Variants in TTC28 observed in about 807,000 individuals in gnomAD.
TTC28 encodes tetratricopeptide repeat domain 28.
A neutral mutation model predicts 198.0 loss-of-function variants in TTC28; 61 were observed. That is an observed-to-expected ratio of 0.31 (90% CI 0.25 to 0.38). The LOEUF (loss-of-function observed/expected upper bound fraction) is 0.38. TTC28 is among the 10% of genes least tolerant of loss of function. The pLI is 1.00. For missense variants in TTC28, 2,678 were observed against 3,164.0 expected (o/e 0.85, Z 3.69); for synonymous variants, 1,171 against 1,297.8 (o/e 0.90, Z 2.10).
intron 2 of TTC28, among the ~76,000 whole-genome samples, chr22:28,604,283 GA>G (rs754524103): frequency 0.033 from 2,557 of 76,540 alleles, 105 homozygotes; most frequent in African/African-American, 0.071. Flanking sequence ...GTCTTAAACA[GA>G]AAAAAAAAAA....
At position 28,600,390 on chromosome 22, in the gene TTC28, G is replaced by C. The variant is rs754520967; in HGVS notation, c.381+29162C>G. On this transcript the variant is annotated intron_variant, in intron 2 of 22. Coordinates refer to ENST00000397906, the MANE Select transcript of TTC28 (RefSeq NM_001145418.2). Reference sequence around the variant, plus strand: ...ACTGCACTCTAGCCCGGGCAACAAAGCAAGACCTTGCTTCAAAAAATAAAA... The same window carrying C: ...ACTGCACTCTAGCCCGGGCAACAAACCAAGACCTTGCTTCAAAAAATAAAA... Among the ~76,000 whole-genome samples, 25 of 152,250 alleles carry C rather than the reference G, an allele frequency of 1.6e-4. 1 individual carries two copies. The Middle Eastern group carries it at 0.01, about 62-fold the overall frequency.
intron 12 of TTC28, among the ~76,000 whole-genome samples, chr22:28,078,205 T>C (rs2146797568): frequency 6.6e-6 from 1 of 152,248 alleles, no homozygotes; most frequent in East Asian, 1.9e-4. Flanking sequence ...CAAGATGCCA[T>C]TAAGGAGAGC....
intron 6 of TTC28, among the ~76,000 whole-genome samples, chr22:28,145,037 C>A (rs9613569): frequency 0.062 from 9,403 of 152,240 alleles, 421 homozygotes; most frequent in Admixed American, 0.13. Context: ...ACTTTGAAGC[C>A]ACACTTTCCA....
At chr22:28,496,463 C>A (rs566199876) in intron 2 of TTC28, among the ~76,000 whole-genome samples, 1 of 152,082 alleles carries the variant, frequency 6.6e-6, no homozygotes, top group Non-Finnish European at 1.5e-5. Context: ...GGAGTCGCCA[C>A]TGACCCTTCT....
rs145700993 is a variant in TTC28 at position 27,985,415 on chromosome 22, A to T, written c.5708-59T>A. 496 of 1,386,836 alleles carry T rather than the reference A, an allele frequency of 3.6e-4. 4 individuals carry two copies. In the East Asian group the frequency reaches 7.5e-3, roughly 21 times the overall value. The allele number at this position is 1,386,836 out of a possible 1,614,324, so 85.9% of individuals were successfully genotyped here. The stretch of plus-strand genomic sequence containing the variant: ...TTCGGGAAGATTCCAGATCTTGAAC[A>T]TGAGCGCTATAGGGCTCCTTGTGCA... On this transcript the variant is annotated intron_variant, in intron 21 of 22. Coordinates refer to ENST00000397906, the MANE Select transcript of TTC28 (RefSeq NM_001145418.2).
chr22:28,374,204 T>C (rs1445921514), intron 2 of TTC28, among the ~76,000 whole-genome samples: 1 of 152,164 alleles, frequency 6.6e-6, no homozygotes, highest in Non-Finnish European at 1.5e-5. Flanking sequence ...GTCTCAAGAG[T>C]AAATTTGCAC....
At chr22:28,190,370 C>G (rs772342190) in intron 5 of TTC28, among the ~76,000 whole-genome samples, 72 of 152,192 alleles carry the variant, frequency 4.7e-4, no homozygotes, top group African/African-American at 1.6e-3. Flanking sequence ...AGATGCAGTG[C>G]TAGGATTTGA....
chr22:28,247,911 A>G (rs1405517031), intron 5 of TTC28, among the ~76,000 whole-genome samples: 3 of 152,202 alleles, frequency 2.0e-5, no homozygotes, highest in African/African-American at 7.2e-5. Context: ...TAAGTAAGGT[A>G]GGCACATGGT....
intron 2 of TTC28, among the ~76,000 whole-genome samples, chr22:28,555,739 G>A (rs2049775813): frequency 1.3e-5 from 2 of 152,102 alleles, no homozygotes; most frequent in Admixed American, 6.5e-5. Context: ...CTTTGGGCAT[G>A]CTGCTCGGGC....
At chr22:28,480,523 A>C (rs569946951) in intron 2 of TTC28, among the ~76,000 whole-genome samples, 1 of 152,338 alleles carries the variant, frequency 6.6e-6, no homozygotes, top group South Asian at 2.1e-4. Flanking sequence ...TGTCAAAAGC[A>C]GTCTGGCACA....
At chr22:28,650,263 C>G (rs2146260159) in intron 1 of TTC28, among the ~76,000 whole-genome samples, 1 of 152,146 alleles carries the variant, frequency 6.6e-6, no homozygotes, top group Admixed American at 6.6e-5. Flanking sequence ...AAATTGATCA[C>G]CCTTCCATTT....
At chr22:28,115,289 T>C (rs1942600389) in intron 6 of TTC28, among the ~76,000 whole-genome samples, 1 of 152,124 alleles carries the variant, frequency 6.6e-6, no homozygotes, top group South Asian at 2.1e-4. Context: ...GCCTCCCAAG[T>C]AGCTGGGACT....
chr22:28,273,430 G>C (rs1465607434), intron 5 of TTC28, among the ~76,000 whole-genome samples: 5 of 151,774 alleles, frequency 3.3e-5, no homozygotes, highest in Non-Finnish European at 1.5e-5. Flanking sequence ...TTAAAAAAAA[G>C]AAATTGAAAT....
At chr22:28,358,827 A>AC (rs2046116168) in intron 2 of TTC28, among the ~76,000 whole-genome samples, 1 of 152,046 alleles carries the variant, frequency 6.6e-6, no homozygotes, top group Non-Finnish European at 1.5e-5. Context: ...ATGATTCCTG[A>AC]CCCTCCTCAC....
At chr22:28,586,955 C>A (rs5762702) in intron 2 of TTC28, among the ~76,000 whole-genome samples, 29,002 of 152,122 alleles carry the variant, frequency 0.19, 3,356 homozygotes, top group Admixed American at 0.37. Flanking sequence ...AGGGTGGTAG[C>A]TCACGTGTGT....
At chr22:28,262,512 G>A (rs1931394704) in intron 5 of TTC28, among the ~76,000 whole-genome samples, 1 of 152,066 alleles carries the variant, frequency 6.6e-6, no homozygotes, top group Admixed American at 6.6e-5. Flanking sequence ...AGTATCTCAA[G>A]TAAGTTTCCT....
chr22:28,001,306 A>T, intron 15 of TTC28, 68 bp downstream of exon 15: 1 of 1,502,966 alleles, frequency 6.7e-7, no homozygotes. Flanking sequence ...GCCCAGTCCG[A>T]CCAGATAGAC....
rs1047387861 is a variant in TTC28, at chr22:27,982,335, C to T, written c.7332G>A (p.Leu2444=). The T allele has an allele frequency of 1.3e-6, 2 of 1,537,258 alleles. No homozygotes were observed. The highest frequency in any genetic ancestry group is 1.2e-5 in the South Asian group (1 of 82,102). ...WRTETTSLGS[L]PLPAGPPATA... is the part of the protein sequence containing the mutation. ...TGGCGGGAGGGCCGGCGGGCAGCGG[C>T]AGTGAGCCCAGCGAGGTGGTCTCGG... is the stretch of plus-strand genomic sequence containing the variant. The change falls in exon 23 of 23, where the codon CTG becomes CTA. Residue 2444 remains leucine (L), a synonymous_variant. Coordinates refer to ENST00000397906, the MANE Select transcript of TTC28 (RefSeq NM_001145418.2). This position sits in a 1 kb window ranked among gnomAD's most constrained non-coding sequence, Gnocchi z 5.2.
chr22:28,072,487 C>T (rs1013185604), intron 12 of TTC28, among the ~76,000 whole-genome samples: 1 of 152,148 alleles, frequency 6.6e-6, no homozygotes, highest in South Asian at 2.1e-4. Context: ...AACAAGTATC[C>T]ATTAGGGTGC....
Sources: gnomAD v4.1 joint callset for allele counts (sites outside exome capture counted in the v4.1 genomes callset) on GRCh38, gnomAD v4.1.1 for gene constraint, Gnocchi (gnomAD v3.1) non-coding constraint, MANE v1.5 for transcripts, NCBI Gene and HGNC (gene_info 2026-07-23, HGNC 2026-07-21) for gene names.